The following TNN variants were observed in gnomAD, a reference collection of about 807,000 sequenced individuals.
TNN encodes tenascin-N.
In TNN, 122 loss-of-function variants were observed where a neutral mutation model predicts 134.4. That is an observed-to-expected ratio of 0.91 (90% confidence interval 0.78 to 1.06). The LOEUF is 1.06. TNN is among the 50% of genes least tolerant of loss of function. TNN has a pLI of 0.00. For synonymous variants in TNN, 710 were observed against 670.3 expected, an observed-to-expected ratio of 1.06 and a Z score of -0.91; for missense variants, 1,739 against 1,699.4, an observed-to-expected ratio of 1.02 and a Z score of -0.41.
chr1:175,092,407 C>T (rs548892942), intron 6 of TNN, among the ~76,000 whole-genome samples: 1 of 83,144 alleles, frequency 1.2e-5, no homozygotes, highest in East Asian at 2.9e-4. Context: ...ACTATTGGCT[C>T]TGAGCTCACA....
chr1:175,100,929 A>G (rs560783179), intron 9 of TNN, among the ~76,000 whole-genome samples: 34 of 152,354 alleles, frequency 2.2e-4, no homozygotes, highest in Non-Finnish European at 3.4e-4. Context: ...GTTCTAATAC[A>G]TGCATGCAAT....
rs1003263162 is a variant in TNN, at chr1:175,111,360, G to A, written c.2120-5579G>A. On this transcript the variant is annotated intron_variant, in intron 9 of 18. Coordinates refer to ENST00000239462, the MANE Select transcript of TNN (RefSeq NM_022093.2). ...TAATTAGCTGGGCATGATGGTGCACGCCTGTAATCCCAGCTACTGGGGAGG... is the reference window on the plus strand; with the variant it reads ...TAATTAGCTGGGCATGATGGTGCACACCTGTAATCCCAGCTACTGGGGAGG... Among the ~76,000 whole-genome samples, 6 of 151,504 alleles carry A rather than the reference G, an allele frequency of 4.0e-5. No homozygotes were observed. The South Asian group carries it at 6.2e-4, about 16-fold the overall frequency.
At chr1:175,096,178 T>C (rs1674564162) in intron 7 of TNN, among the ~76,000 whole-genome samples, 1 of 152,114 alleles carries the variant, frequency 6.6e-6, no homozygotes, top group African/African-American at 2.4e-5. Flanking sequence ...TAGGACAGGA[T>C]AGGGGTCATG....
At position 175,103,892 on chromosome 1, in the gene TNN, T is replaced by C. The variant is rs1674790177; in HGVS notation, c.2119+5297T>C. ...AGATTCCTACCTCTTTGTGTTTTTTTGCATTACGTGACTGTGCGGGCATTT... is the reference window on the plus strand; with the variant it reads ...AGATTCCTACCTCTTTGTGTTTTTTCGCATTACGTGACTGTGCGGGCATTT... On this transcript the variant is annotated intron_variant, in intron 9 of 18. Transcript: ENST00000239462. 1.4e-5 allele frequency among the ~76,000 whole-genome samples: 2 copies of C among 145,902 alleles called. 1 individual carries two copies. The highest frequency in any genetic ancestry group is 4.6e-4 in the East Asian group (2 of 4,374).
chr1:175,076,223 G>A (rs546964351), intron 1 of TNN, among the ~76,000 whole-genome samples: 44 of 152,266 alleles, frequency 2.9e-4, no homozygotes, highest in Middle Eastern at 3.4e-3. Flanking sequence ...CAGTGGTGAA[G>A]ACACCACCTC....
At chr1:175,112,196 A>C (rs146546630) in intron 9 of TNN, among the ~76,000 whole-genome samples, 73 of 152,192 alleles carry the variant, frequency 4.8e-4, no homozygotes, top group Non-Finnish European at 3.7e-4. Context: ...GGTTTTTATC[A>C]TGAAACGTTG....
intron 17 of TNN, among the ~76,000 whole-genome samples, chr1:175,142,999 C>T (rs75660741): frequency 8.7e-4 from 133 of 152,316 alleles, no homozygotes; most frequent in African/African-American, 3.1e-3. Flanking sequence ...ATAGATAGCT[C>T]TCTCTTGCTA....
intron 6 of TNN, 114 bp from the exon 7 acceptor site, chr1:175,093,876 T>C (rs192100556): frequency 9.2e-7 from 1 of 1,086,560 alleles, no homozygotes; most frequent in East Asian, 2.5e-5. Flanking sequence ...GACCCCCTTG[T>C]ATTGCATAAA....
intron 11 of TNN, among the ~76,000 whole-genome samples, chr1:175,120,721 T>A (rs1270662386): frequency 6.8e-6 from 1 of 147,266 alleles, no homozygotes; most frequent in African/African-American, 2.6e-5. Flanking sequence ...TGGATGGCCC[T>A]GTGCCCAGCT....
intron 11 of TNN, among the ~76,000 whole-genome samples, chr1:175,122,754 T>C (rs997277409): frequency 1.3e-5 from 2 of 152,144 alleles, no homozygotes; most frequent in African/African-American, 4.8e-5. Flanking sequence ...AGACAATCTG[T>C]CAGTTTAAGG....
intron 12 of TNN, among the ~76,000 whole-genome samples, chr1:175,126,390 G>A (rs779855536): frequency 1.2e-4 from 18 of 152,102 alleles, no homozygotes; most frequent in Non-Finnish European, 1.2e-4. Flanking sequence ...ATGAGCCACC[G>A]TGCCTGGCCA....
chr1:175,124,136 C>T (rs567114789), intron 12 of TNN, among the ~76,000 whole-genome samples: 1 of 152,278 alleles, frequency 6.6e-6, no homozygotes, highest in East Asian at 1.9e-4. Context: ...GAGGTCAGAA[C>T]CCAGAGGCAC....
At chr1:175,084,353 A>G (rs1444615960) in intron 5 of TNN, among the ~76,000 whole-genome samples, 1 of 148,698 alleles carries the variant, frequency 6.7e-6, no homozygotes, top group African/African-American at 2.5e-5. Flanking sequence ...GATGCATGGA[A>G]GGGGTTGTGT....
At chr1:175,077,072 C>T (rs927595757) in intron 1 of TNN, among the ~76,000 whole-genome samples, 7 of 152,076 alleles carry the variant, frequency 4.6e-5, no homozygotes, top group African/African-American at 1.2e-4. Flanking sequence ...GGGATCAAAG[C>T]GTGGCACACA....
intron 11 of TNN, 97 bp from the exon 12 acceptor site, chr1:175,123,303 A>G: frequency 1.5e-6 from 2 of 1,370,690 alleles, no homozygotes; most frequent in Non-Finnish European, 2.0e-6. Flanking sequence ...TACCATTATT[A>G]ATGATAACAT....
In TNN at chr1:175,146,948, T is replaced by C; in HGVS notation, c.3777T>C (p.Pro1259=). 6.5e-7 allele frequency: 1 copy of C among 1,534,632 alleles called. No individual in the cohort carries two copies. The highest frequency in any genetic ancestry group is 8.8e-7 in the Non-Finnish European group (1 of 1,138,182). The change falls in exon 19 of 19, where the codon CCT becomes CCC. Residue 1259 remains proline, a synonymous_variant. Coordinates refer to ENST00000239462, the MANE Select transcript of TNN (RefSeq NM_022093.2). The part of the protein sequence containing the change: ...TKHSEGVNWE[P]WKGHEFSIPY... ...TTTGGTAGGGGGTGAACTGGGAGCC[T>C]TGGAAAGGACATGAATTCTCCATTC...
intron 4 of TNN, among the ~76,000 whole-genome samples, chr1:175,082,738 C>A (rs894763673): frequency 6.6e-6 from 1 of 152,150 alleles, no homozygotes; most frequent in Non-Finnish European, 1.5e-5. Context: ...GTCAGTAGGC[C>A]TGGGTGGAGA....
At position 175,098,419 on chromosome 1, in the gene TNN, A is replaced by G. The variant is rs1674627107; in HGVS notation, c.1943A>G (p.Asp648Gly). ...TGGGACCCGGTGCAGGCCGCCATTG[A>G]CAAGTACGTGGTGCGCTACACCTCT... ...VSWDPVQAAI[D>G]KYVVRYTSAG... The change falls in exon 9 of 19, where the codon GAC (aspartate) becomes GGC (glycine). Residue 648 changes from aspartate (D) to glycine (G), a missense_variant. Transcript: ENST00000239462. 2 of 1,614,086 alleles carry G rather than the reference A, an allele frequency of 1.2e-6. No homozygotes were observed. The highest frequency in any genetic ancestry group is 1.7e-6 in the Non-Finnish European group (2 of 1,180,048).
Position 175,077,571 on chromosome 1 carries a change from CAA to C in TNN, c.154_155del (p.Lys52ValfsTer7). ...GCCACACCTACAAGATCGATGTGCC[CAA>C]GTCTGCCTTGGTTCAGGTTGACGCT... ...VSHTYKIDVP[K>X]SALVQVDADP... On this transcript the variant is annotated frameshift_variant, in exon 2 of 19. Coordinates refer to ENST00000239462, the MANE Select transcript of TNN (RefSeq NM_022093.2). LOFTEE classifies it high-confidence loss of function. 1 of 1,614,194 alleles carries C rather than the reference CAA, an allele frequency of 6.2e-7. No individual in the cohort carries two copies. The highest frequency in any genetic ancestry group is 8.5e-7 in the Non-Finnish European group (1 of 1,180,046).
Sources: gnomAD v4.1 joint callset for allele counts (sites outside exome capture counted in the v4.1 genomes callset) on GRCh38, gnomAD v4.1.1 for gene constraint, MANE v1.5 for transcripts, NCBI Gene and HGNC (gene_info 2026-07-23, HGNC 2026-07-21) for gene names.